The following LRRC4C variants were observed in gnomAD, a reference collection of about 807,000 sequenced individuals.
LRRC4C encodes leucine rich repeat containing 4C.
In LRRC4C, 5 loss-of-function variants were observed where a neutral mutation model predicts 33.6. That is an observed-to-expected ratio of 0.15 (90% CI 0.08 to 0.31). The LOEUF is 0.31. Among genes scored for constraint, LRRC4C ranks in the 10% least tolerant of loss-of-function variants. LRRC4C has a pLI of 1.00. For synonymous variants in LRRC4C, 329 were observed against 302.0 expected (o/e 1.09, Z -0.93); for missense variants, 560 against 796.7 (o/e 0.70, Z 3.58).
intron 2 of LRRC4C, among the ~76,000 whole-genome samples, chr11:40,754,243 T>C (rs889787778): frequency 1.3e-5 from 2 of 152,096 alleles, no homozygotes; most frequent in African/African-American, 2.4e-5. Context: ...CTCTAATACT[T>C]TAATGGAGAT....
At chr11:40,618,898 T>G (rs1962150594) in intron 3 of LRRC4C, among the ~76,000 whole-genome samples, 1 of 151,830 alleles carries the variant, frequency 6.6e-6, no homozygotes, top group Admixed American at 6.6e-5. Flanking sequence ...TGTACATCTA[T>G]AAATGGGTCA....
At chr11:40,976,506 T>C (rs1852093455) in intron 1 of LRRC4C, among the ~76,000 whole-genome samples, 1 of 152,202 alleles carries the variant, frequency 6.6e-6, no homozygotes, top group Admixed American at 6.5e-5. Context: ...TCAAAAGCTG[T>C]ATACAGCAAA....
At chr11:40,273,554 C>T (rs879328062) in intron 4 of LRRC4C, among the ~76,000 whole-genome samples, 1 of 152,076 alleles carries the variant, frequency 6.6e-6, no homozygotes, top group African/African-American at 2.4e-5. Flanking sequence ...GGATGGGTTC[C>T]AAGAAAAGGC....
At chr11:41,222,768 G>C (rs1283608110) in intron 1 of LRRC4C, 1 of 136,762 alleles carries the variant, frequency 7.3e-6, no homozygotes, top group Non-Finnish European at 1.5e-5. Flanking sequence ...CCAGATCCTT[G>C]TACAACTGGT....
intron 3 of LRRC4C, among the ~76,000 whole-genome samples, chr11:40,454,943 G>T (rs1952063738): frequency 6.6e-6 from 1 of 152,038 alleles, no homozygotes; most frequent in Non-Finnish European, 1.5e-5. Context: ...TTCCAGAATG[G>T]GAGGTATAAA....
At chr11:40,496,780 C>T (rs1482504922) in intron 3 of LRRC4C, among the ~76,000 whole-genome samples, 1 of 152,118 alleles carries the variant, frequency 6.6e-6, no homozygotes, top group Non-Finnish European at 1.5e-5. Flanking sequence ...TCAGGTTAAT[C>T]CAATCACCCT....
intron 3 of LRRC4C, among the ~76,000 whole-genome samples, chr11:40,385,393 T>C (rs1949065368): frequency 6.6e-6 from 1 of 152,236 alleles, no homozygotes. Context: ...TATCTAACTA[T>C]GTGATCCTAA....
In LRRC4C at chr11:40,190,820, G is replaced by T. The variant is rs191617091; in HGVS notation, c.-95-49967C>A. On this transcript the variant is annotated intron_variant, in intron 5 of 6. Coordinates refer to ENST00000528697, the MANE Select transcript of LRRC4C (RefSeq NM_001258419.2). ...GCTACAGAATAAGAAAAAAAGTGAT[G>T]ACAATGATAGAAAATTGGATTTTTA... Among the ~76,000 whole-genome samples the T allele has an allele frequency of 1.1e-3, 172 of 152,204 alleles. 1 individual carries two copies. Among genetic ancestry groups the T allele is most frequent in the African/African-American group, 4.0e-3 (167 of 41,528 alleles).
At chr11:40,221,010 G>A (rs1864373930) in intron 5 of LRRC4C, among the ~76,000 whole-genome samples, 2 of 151,684 alleles carry the variant, frequency 1.3e-5, no homozygotes, top group South Asian at 4.2e-4. Context: ...CAAATAGCTG[G>A]GATTACAGTC....
intron 1 of LRRC4C, among the ~76,000 whole-genome samples, chr11:41,032,415 A>G (rs1218347382): frequency 1.3e-5 from 2 of 151,880 alleles, no homozygotes. Flanking sequence ...TTCCCTATAA[A>G]CCCTAACAGA....
At chr11:40,676,002 C>T (rs1944379897) in intron 2 of LRRC4C, among the ~76,000 whole-genome samples, 1 of 152,188 alleles carries the variant, frequency 6.6e-6, no homozygotes, top group Non-Finnish European at 1.5e-5. Flanking sequence ...AACTCACCAA[C>T]ACAAATCCCA....
chr11:40,618,324 A>T (rs1386301258), intron 3 of LRRC4C, among the ~76,000 whole-genome samples: 1 of 151,656 alleles, frequency 6.6e-6, no homozygotes, highest in Non-Finnish European at 1.5e-5. Flanking sequence ...GTACTAGCCA[A>T]GAAATGACCA....
intron 1 of LRRC4C, among the ~76,000 whole-genome samples, chr11:41,162,809 T>C (rs1944532990): frequency 2.0e-5 from 3 of 152,150 alleles, no homozygotes; most frequent in African/African-American, 7.2e-5. Flanking sequence ...CCTGGAACAT[T>C]ATTGTACACT....
intron 1 of LRRC4C, among the ~76,000 whole-genome samples, chr11:41,099,574 A>G (rs1245501283): frequency 2.0e-5 from 3 of 152,212 alleles, no homozygotes; most frequent in Non-Finnish European, 1.5e-5. Context: ...TCACATATAC[A>G]GAAATATAGA....
intron 1 of LRRC4C, among the ~76,000 whole-genome samples, chr11:41,378,586 G>A (rs1307168292): frequency 3.3e-5 from 5 of 152,084 alleles, no homozygotes; most frequent in Non-Finnish European, 5.9e-5. Flanking sequence ...GGGTAACTAA[G>A]GATTTATCCT....
chr11:41,286,483 T>A (rs1949832003), intron 1 of LRRC4C, among the ~76,000 whole-genome samples: 1 of 152,172 alleles, frequency 6.6e-6, no homozygotes, highest in South Asian at 2.1e-4. Context: ...CCCCTGAGTC[T>A]TCTCAGGGAC....
In LRRC4C at chr11:40,231,246, T is replaced by C. The variant is rs569514071; in HGVS notation, c.-96+10273A>G. Among the ~76,000 whole-genome samples, 18 of 152,278 alleles carry C rather than the reference T, an allele frequency of 1.2e-4. 1 individual carries two copies. The South Asian group carries it at 1.7e-3, about 14-fold the overall frequency. On this transcript the variant is annotated intron_variant, in intron 5 of 6. Coordinates refer to ENST00000528697, the MANE Select transcript of LRRC4C (RefSeq NM_001258419.2). ...AAACAAACGAACTTCACGACTAGCA[T>C]TCACGTTCAGATTTACAGTAACTCC...
At chr11:40,561,312 G>A (rs551338816) in intron 3 of LRRC4C, among the ~76,000 whole-genome samples, 1 of 151,912 alleles carries the variant, frequency 6.6e-6, no homozygotes, top group Non-Finnish European at 1.5e-5. Flanking sequence ...GGATTGGACT[G>A]CAGAATCTCT....
chr11:41,393,130 T>C (rs1010350609), intron 1 of LRRC4C, among the ~76,000 whole-genome samples: 28 of 151,904 alleles, frequency 1.8e-4, no homozygotes, highest in African/African-American at 6.5e-4. Flanking sequence ...TTTAGACATT[T>C]ATAAAGAGGA....
Sources: gnomAD v4.1 joint callset for allele counts (sites outside exome capture counted in the v4.1 genomes callset) on GRCh38, gnomAD v4.1.1 for gene constraint, MANE v1.5 for transcripts, NCBI Gene and HGNC (gene_info 2026-07-23, HGNC 2026-07-21) for gene names.